Variants in FRMPD1 observed in about 807,000 individuals in gnomAD.
The protein encoded by FRMPD1 is FERM and PDZ domain-containing protein 1.
Under a neutral mutation model 117.8 loss-of-function variants are expected in FRMPD1, and 76 were observed. The ratio of observed to expected loss-of-function variants is 0.65; its 90% CI spans 0.54 to 0.78. FRMPD1 has a LOEUF of 0.78. FRMPD1 is among the 30% of genes least tolerant of loss of function. FRMPD1 has a pLI of 0.00. For missense variants in FRMPD1, 1,786 were observed against 1,964.5 expected (o/e 0.91, Z 1.72); for synonymous variants, 783 against 770.4 (o/e 1.02, Z -0.27).
chr9:37,735,858 C>T (rs1299974232), intron 13 of FRMPD1, 124 bp downstream of exon 13: 2 of 659,228 alleles, frequency 3.0e-6, no homozygotes, highest in South Asian at 2.2e-5. Context: ...CTTAAGAGGA[C>T]GAATTGTCCA....
intron 9 of FRMPD1, 74 bp downstream of exon 9, chr9:37,731,177 A>T: frequency 7.2e-7 from 1 of 1,391,136 alleles, no homozygotes; most frequent in Non-Finnish European, 1.0e-6. Context: ...TTTGAACGTG[A>T]GCTCGAGGCC....
chr9:37,616,094 G>A, the FRMPD1 span, among the ~76,000 whole-genome samples: 1 of 145,680 alleles, frequency 6.9e-6, no homozygotes, highest in Non-Finnish European at 1.5e-5. Flanking sequence ...TGGGATTACA[G>A]GCATGAGCCA....
rs150995757 is a variant in FRMPD1 at position 37,696,472 on chromosome 9, T to C, written c.101+3730T>C. 8.5e-3 allele frequency among the ~76,000 whole-genome samples: 1,289 copies of C among 152,312 alleles called. 12 individuals are homozygous for C. Among genetic ancestry groups the C allele is most frequent in the Non-Finnish European group, 0.015 (1,027 of 68,026 alleles). ...ATGTAACGGACATTCAATAAATTTT[T>C]ACTGATTAAGGGCTTTTATAGTAGG... On this transcript the variant is annotated intron_variant, in intron 2 of 15. Coordinates refer to ENST00000377765, the MANE Select transcript of FRMPD1 (RefSeq NM_014907.3).
chr9:37,637,275 A>G, the FRMPD1 span: 8 of 1,586,580 alleles, frequency 5.0e-6, no homozygotes, highest in Non-Finnish European at 6.9e-6. Flanking sequence ...TTAAACAGGC[A>G]GTCATATCCG....
intron 15 of FRMPD1, among the ~76,000 whole-genome samples, chr9:37,741,689 T>C (rs1239836913): frequency 6.6e-6 from 1 of 152,178 alleles, no homozygotes; most frequent in East Asian, 1.9e-4. Flanking sequence ...ATCAGGCCCT[T>C]TGAGGCCCTC....
intron 4 of FRMPD1, among the ~76,000 whole-genome samples, chr9:37,708,709 A>G (rs962830526): frequency 1.3e-5 from 2 of 152,196 alleles, no homozygotes; most frequent in East Asian, 1.9e-4. Flanking sequence ...CTTGCCTACA[A>G]AAGAGCTTGG....
At chr9:37,731,852 G>A (rs1363076649) in intron 9 of FRMPD1, among the ~76,000 whole-genome samples, 1 of 151,652 alleles carries the variant, frequency 6.6e-6, no homozygotes, top group Non-Finnish European at 1.5e-5. Flanking sequence ...CAGCCTGGGT[G>A]ACAGAGCGGG....
chr9:37,653,114 A>G (rs62534445), intron 1 of FRMPD1, among the ~76,000 whole-genome samples: 27,700 of 152,088 alleles, frequency 0.18, 3,114 homozygotes, highest in African/African-American at 0.31. Flanking sequence ...GGCAGCGGGA[A>G]GAGGCTCTGG....
intron 5 of FRMPD1, chr9:37,715,793 T>C (rs1232513957): frequency 2.4e-6 from 1 of 415,372 alleles, no homozygotes; most frequent in Admixed American, 2.7e-5. Context: ...TGTTGGGCAT[T>C]TTCATGTCAG....
the FRMPD1 span, among the ~76,000 whole-genome samples, chr9:37,611,185 G>A: frequency 1.6e-3 from 243 of 152,294 alleles, 1 homozygote; most frequent in Non-Finnish European, 2.3e-3. Flanking sequence ...AATTTTGATA[G>A]ATATTGCCAA....
At chr9:37,661,422 C>T (rs1003451491) in intron 1 of FRMPD1, among the ~76,000 whole-genome samples, 7 of 152,328 alleles carry the variant, frequency 4.6e-5, no homozygotes, top group Non-Finnish European at 8.8e-5. Flanking sequence ...TCCACCTACA[C>T]ATGGTAAATA....
the FRMPD1 span, among the ~76,000 whole-genome samples, chr9:37,619,808 T>C: frequency 1.3e-5 from 2 of 151,342 alleles, no homozygotes; most frequent in South Asian, 4.2e-4. Flanking sequence ...TCACATATTA[T>C]GTGGGGACCC....
At chr9:37,679,556 G>A (rs1001014452) in intron 1 of FRMPD1, among the ~76,000 whole-genome samples, 4 of 152,108 alleles carry the variant, frequency 2.6e-5, no homozygotes, top group Non-Finnish European at 4.4e-5. Context: ...CTAAGCAACC[G>A]CTAATCTCTT....
At chr9:37,701,542 T>A (rs2118105225) in intron 2 of FRMPD1, among the ~76,000 whole-genome samples, 1 of 139,060 alleles carries the variant, frequency 7.2e-6, no homozygotes, top group East Asian at 2.2e-4. Flanking sequence ...TGTGTGTGTG[T>A]TTTGGAGGCA....
intron 1 of FRMPD1, among the ~76,000 whole-genome samples, chr9:37,674,425 G>C (rs571227617): frequency 6.6e-6 from 1 of 152,254 alleles, no homozygotes; most frequent in African/African-American, 2.4e-5. Context: ...AGGAGGTTCC[G>C]AACTTTCCCA....
chr9:37,746,430 C>T lies in FRMPD1; in HGVS notation c.4398C>T (p.Ser1466=), dbSNP rs1411960668. The change falls in exon 16 of 16, where the codon TCC becomes TCT. Residue 1466 remains serine (S), a synonymous_variant. Coordinates refer to ENST00000377765, the MANE Select transcript of FRMPD1 (RefSeq NM_014907.3). Reference sequence around the variant, plus strand: ...GCCGGAGCCGCCTCTGCATGGGCTCCCAGAAGCTCCTGTCGAGCTGTCGGC... The same window carrying T: ...GCCGGAGCCGCCTCTGCATGGGCTCTCAGAAGCTCCTGTCGAGCTGTCGGC... ...TESRSRLCMG[S]QKLLSSCRHV... 6 of 1,613,674 alleles carry T rather than the reference C, an allele frequency of 3.7e-6. No individual in the cohort carries two copies. In the Admixed American group the frequency reaches 5.0e-5, roughly 13 times the overall value.
In FRMPD1 at chr9:37,740,083, G is replaced by T; in HGVS notation, c.1555G>T (p.Glu519Ter). The T allele has an allele frequency of 1.3e-6, 2 of 1,593,978 alleles. No homozygotes were observed. The highest frequency in any genetic ancestry group is 1.1e-5 in the South Asian group (1 of 88,618). Reference protein sequence around the residue: ...AHRVSAEEGYESRACSDSEES... With the variant: ...AHRVSAEEGY Reference sequence around the variant, plus strand: ...TGCTGTACCCTGTGTTGCAGGCTATGAATCCAGGGCCTGCAGTGACTCAGA... The same window carrying T: ...TGCTGTACCCTGTGTTGCAGGCTATTAATCCAGGGCCTGCAGTGACTCAGA... The change falls in exon 15 of 16, where the codon GAA becomes TAA. Residue 519 changes from glutamate to a stop codon, truncating the protein, a stop_gained. Transcript: ENST00000377765. LOFTEE classifies it high-confidence loss of function. This position sits in a 1 kb window ranked among gnomAD's most constrained non-coding sequence, Gnocchi z 4.2.
intron 13 of FRMPD1, 82 bp downstream of exon 13, chr9:37,735,816 AAATAAT>A (rs1824094818): frequency 2.3e-6 from 2 of 886,578 alleles, no homozygotes; most frequent in East Asian, 5.3e-5. Flanking sequence ...TATGAATTTT[AAATAAT>A]AATAAAGTCT....
intron 14 of FRMPD1, among the ~76,000 whole-genome samples, chr9:37,739,659 C>T (rs1824289635): frequency 6.6e-6 from 1 of 152,152 alleles, no homozygotes; most frequent in Non-Finnish European, 1.5e-5. Context: ...AGGGGTAGGG[C>T]CAAGGATCTG....
Sources: allele counts gnomAD v4.1 joint callset (sites outside exome capture counted in the v4.1 genomes callset), GRCh38; gene constraint gnomAD v4.1.1; non-coding constraint Gnocchi (gnomAD v3.1); transcripts MANE v1.5; gene names NCBI Gene and HGNC (gene_info 2026-07-23, HGNC 2026-07-21).